LRRTM4: variants seen among roughly 807,000 people sequenced by gnomAD.
The protein encoded by LRRTM4 is leucine-rich repeat transmembrane neuronal protein 4.
Under a neutral mutation model 47.6 loss-of-function variants are expected in LRRTM4, and 25 were observed. The observed-to-expected ratio is 0.53, with a 90% CI of 0.38 to 0.73. The LOEUF (loss-of-function observed/expected upper bound fraction) is 0.73, where lower values mean the gene tolerates loss of function less well. LRRTM4 is among the 30% of genes least tolerant of loss of function. The pLI, the probability that LRRTM4 is intolerant of heterozygous loss-of-function variation, is 0.00. For missense variants in LRRTM4, 638 were observed against 713.4 expected, an observed-to-expected ratio of 0.89 and a Z score of 1.20; for synonymous variants, 311 against 269.5, an observed-to-expected ratio of 1.15 and a Z score of -1.51.
intron 3 of LRRTM4, among the ~76,000 whole-genome samples, chr2:77,090,123 T>C (rs563455582): frequency 8.5e-5 from 13 of 152,250 alleles, no homozygotes; most frequent in South Asian, 8.3e-4. Flanking sequence ...CCCTATAATC[T>C]TTTTATCACC....
At chr2:77,009,754 T>C (rs912829816) in intron 3 of LRRTM4, 1 of 152,136 alleles carries the variant, frequency 6.6e-6, no homozygotes, top group African/African-American at 2.4e-5. Flanking sequence ...TTTGTTGTAC[T>C]AAGCACACTT....
At chr2:76,878,931 T>G (rs573632296) in intron 3 of LRRTM4, among the ~76,000 whole-genome samples, 3 of 152,122 alleles carry the variant, frequency 2.0e-5, no homozygotes, top group Non-Finnish European at 4.4e-5. Flanking sequence ...TTTAGTGGCC[T>G]GGATAGAACA....
intron 3 of LRRTM4, among the ~76,000 whole-genome samples, chr2:77,471,282 C>A (rs1677178435): frequency 1.3e-5 from 2 of 152,084 alleles, no homozygotes; most frequent in Admixed American, 6.6e-5. Context: ...ACATCATCAG[C>A]AAATCCTATT....
intron 3 of LRRTM4, among the ~76,000 whole-genome samples, chr2:76,951,742 G>T (rs1197394838): frequency 6.6e-6 from 1 of 151,200 alleles, no homozygotes. Context: ...TTTAAGCCCC[G>T]CATGCATTAG....
chr2:76,990,881 T>C (rs565772239), intron 3 of LRRTM4, among the ~76,000 whole-genome samples: 3 of 151,782 alleles, frequency 2.0e-5, no homozygotes, highest in African/African-American at 7.2e-5. Flanking sequence ...TACTGTAAGA[T>C]TGACCACATG....
chr2:77,405,306 A>T (rs1011639267), intron 3 of LRRTM4, among the ~76,000 whole-genome samples: 1 of 152,036 alleles, frequency 6.6e-6, no homozygotes, highest in Non-Finnish European at 1.5e-5. Flanking sequence ...CTTTTTCACC[A>T]ACCAAAACTG....
intron 3 of LRRTM4, among the ~76,000 whole-genome samples, chr2:77,117,155 G>A (rs1015425640): frequency 6.6e-6 from 1 of 151,940 alleles, no homozygotes; most frequent in African/African-American, 2.4e-5. Context: ...TTGCTAAATG[G>A]TATTCTTTTG....
chr2:77,248,342 A>AGTATGGTACTGGCAAAATAATCGAT (rs1381019512), intron 3 of LRRTM4, among the ~76,000 whole-genome samples: 1 of 152,046 alleles, frequency 6.6e-6, no homozygotes, highest in African/African-American at 2.4e-5. Context: ...TAAATCTAAC[A>AGTATGGTACTGGCAAAATAATCGAT]AAGCATGTAC....
rs70939837 is a variant in LRRTM4, at chr2:76,979,541, G to GTATATATATATATATATATATA, written c.1552-230626_1552-230625insTATATATATATATATATATATA. Among the ~76,000 whole-genome samples the GTATATATATATATATATATATA allele has an allele frequency of 5.4e-3, 683 of 126,878 alleles. 24 individuals are homozygous for GTATATATATATATATATATATA. The highest frequency in any genetic ancestry group is 0.024 in the Admixed American group (321 of 13,444). 83.2% of individuals were successfully genotyped at this position (126,878 alleles called of 152,430 possible). On this transcript the variant is annotated intron_variant, in intron 3 of 3. Transcript: ENST00000409884. ...ATTCAGACTGCAAAACTGAATTTCTGTATATATATATGCTCTTCCTCTATA... is the reference window on the plus strand; with the variant it reads ...ATTCAGACTGCAAAACTGAATTTCTGTATATATATATATATATATATATATATATATATGCTCTTCCTCTATA...
At chr2:77,040,366 CTT>C (rs1217943713) in intron 3 of LRRTM4, among the ~76,000 whole-genome samples, 1 of 151,226 alleles carries the variant, frequency 6.6e-6, no homozygotes, top group Non-Finnish European at 1.5e-5. Flanking sequence ...ATAAACAGCT[CTT>C]GTTTAATCTA....
At chr2:77,341,876 T>G (rs1188507524) in intron 3 of LRRTM4, among the ~76,000 whole-genome samples, 3 of 151,918 alleles carry the variant, frequency 2.0e-5, no homozygotes, top group Admixed American at 2.0e-4. Flanking sequence ...CTTGGAAAGG[T>G]CCCTGTAAGA....
intron 3 of LRRTM4, among the ~76,000 whole-genome samples, chr2:77,221,113 T>C (rs1355843704): frequency 6.6e-6 from 1 of 152,136 alleles, no homozygotes; most frequent in Non-Finnish European, 1.5e-5. Flanking sequence ...CTAAGCTTCA[T>C]AAGTGAAGGA....
chr2:76,805,021 CTTTGT>C (rs2103789598), intron 3 of LRRTM4, among the ~76,000 whole-genome samples: 1 of 152,058 alleles, frequency 6.6e-6, no homozygotes, highest in African/African-American at 2.4e-5. Flanking sequence ...TGACTATGAC[CTTTGT>C]TTTATTTTTT....
intron 3 of LRRTM4, among the ~76,000 whole-genome samples, chr2:77,343,318 A>G (rs572825505): frequency 3.9e-5 from 6 of 151,974 alleles, no homozygotes; most frequent in African/African-American, 1.4e-4. Context: ...AGATTTTTCC[A>G]TGGAAAACAT....
At chr2:77,322,258 T>C (rs1011573495) in intron 3 of LRRTM4, among the ~76,000 whole-genome samples, 2 of 152,096 alleles carry the variant, frequency 1.3e-5, no homozygotes, top group Non-Finnish European at 2.9e-5. Flanking sequence ...ATGACTTTCT[T>C]TATATATGGG....
intron 3 of LRRTM4, among the ~76,000 whole-genome samples, chr2:77,367,236 C>A (rs1390225526): frequency 6.6e-6 from 1 of 151,238 alleles, no homozygotes; most frequent in Admixed American, 6.6e-5. Context: ...GCCCCTCCTG[C>A]CCCCAAATAG....
chr2:77,235,262 A>C lies in LRRTM4; in HGVS notation c.1551+283056T>G, dbSNP rs192548179. Among the ~76,000 whole-genome samples the C allele has an allele frequency of 3.1e-3, 475 of 152,048 alleles. 2 individuals carry two copies. The highest frequency in any genetic ancestry group is 0.011 in the African/African-American group (464 of 41,486). ...CTGACTGGTTTGGGATTGTAGTTTT[A>C]ATTTACATTTCTCTGATGATTAGTT... On this transcript the variant is annotated intron_variant, in intron 3 of 3. Transcript: ENST00000409884.
At chr2:76,798,234 G>T (rs1158719992) in intron 3 of LRRTM4, among the ~76,000 whole-genome samples, 3 of 152,058 alleles carry the variant, frequency 2.0e-5, no homozygotes, top group South Asian at 2.1e-4. Flanking sequence ...AAAGAGCAGA[G>T]ATTATAACAA....
intron 3 of LRRTM4, among the ~76,000 whole-genome samples, chr2:76,971,435 A>G (rs183117678): frequency 2.7e-4 from 41 of 152,110 alleles, no homozygotes; most frequent in Admixed American, 2.5e-3. Flanking sequence ...CCCAGAAGGA[A>G]TATCAGTTGA....
Sources: gnomAD v4.1 joint callset for allele counts (sites outside exome capture counted in the v4.1 genomes callset) on GRCh38, gnomAD v4.1.1 for gene constraint, MANE v1.5 for transcripts, NCBI Gene and HGNC (gene_info 2026-07-23, HGNC 2026-07-21) for gene names.